TBC1D14: variants seen among roughly 807,000 people sequenced by gnomAD.
TBC1D14 encodes the protein TBC1 domain family, member 14.
In TBC1D14, 26 loss-of-function variants were observed where a neutral mutation model predicts 79.0. The ratio of observed to expected loss-of-function variants is 0.33; its 90% confidence interval spans 0.24 to 0.46. The LOEUF is 0.46. Ranked by LOEUF, TBC1D14 falls within the 20% of genes least tolerant of loss-of-function variation. TBC1D14 has a pLI of 1.00. For missense variants in TBC1D14, 769 were observed against 887.6 expected (o/e 0.87, Z 1.70); for synonymous variants, 394 against 349.9 (o/e 1.13, Z -1.40).
rs115088227 is a variant in TBC1D14 at position 6,970,141 on chromosome 4, G to A, written c.843+2717G>A. 4.2e-3 allele frequency among the ~76,000 whole-genome samples: 634 copies of A among 152,320 alleles called. 4 individuals are homozygous for A. Among genetic ancestry groups the A allele is most frequent in the African/African-American group, 0.014 (577 of 41,568 alleles). ...GGTGACAATAACTCCAGTCAGGGCC[G>A]AAGCCTAGAGAAAGTGTTGAGGAAA... On this transcript the variant is annotated intron_variant, in intron 3 of 13. Transcript: ENST00000409757.
At chr4:7,005,727 G>A (rs551694107) in intron 8 of TBC1D14, among the ~76,000 whole-genome samples, 49 of 151,954 alleles carry the variant, frequency 3.2e-4, no homozygotes, top group Non-Finnish European at 5.2e-4. Flanking sequence ...GAACATCCCA[G>A]TTCCTGCGAG....
intron 1 of TBC1D14, among the ~76,000 whole-genome samples, chr4:6,918,668 G>T (rs201589374): frequency 6.6e-5 from 10 of 152,196 alleles, no homozygotes; most frequent in Admixed American, 2.0e-4. Flanking sequence ...CTGGGCCTGC[G>T]AGAGGCCCTC....
intron 3 of TBC1D14, among the ~76,000 whole-genome samples, chr4:6,969,505 A>T (rs1577099780): frequency 6.6e-6 from 1 of 151,940 alleles, no homozygotes; most frequent in African/African-American, 2.4e-5. Context: ...TCCCGGATTC[A>T]TGTCATTCTC....
chr4:6,953,028 T>TC (rs1407825306), intron 2 of TBC1D14, among the ~76,000 whole-genome samples: 1 of 141,764 alleles, frequency 7.1e-6, no homozygotes. Context: ...TCTTTCTTTT[T>TC]TTTTTTTTTT....
intron 3 of TBC1D14, among the ~76,000 whole-genome samples, chr4:6,991,790 C>T (rs747911183): frequency 6.6e-6 from 1 of 152,132 alleles, no homozygotes; most frequent in Non-Finnish European, 1.5e-5. Flanking sequence ...AGTGTGCACG[C>T]GTAAAGCACT....
chr4:7,009,489 G>T (rs958397214), intron 9 of TBC1D14, among the ~76,000 whole-genome samples: 2 of 152,208 alleles, frequency 1.3e-5, no homozygotes, highest in Admixed American at 6.5e-5. Context: ...CAGGATGTGG[G>T]GCACAGTGGG....
intron 3 of TBC1D14, among the ~76,000 whole-genome samples, chr4:6,985,787 C>T (rs1465501070): frequency 6.6e-6 from 1 of 152,188 alleles, no homozygotes; most frequent in Non-Finnish European, 1.5e-5. Flanking sequence ...CTGCTTTTGC[C>T]TTATTTTCAA....
chr4:6,977,926 G>T (rs1372728959), intron 3 of TBC1D14, among the ~76,000 whole-genome samples: 1 of 147,690 alleles, frequency 6.8e-6, no homozygotes, highest in African/African-American at 2.6e-5. Context: ...GTCTCTGCCC[G>T]GCCGCCCCGT....
Position 7,033,022 on chromosome 4 carries a change from C to G in TBC1D14, c.*2630C>G, listed in dbSNP as rs1351650420. 1.3e-5 allele frequency: 2 copies of G among 152,620 alleles called. No homozygotes were observed. Among genetic ancestry groups the G allele is most frequent in the Admixed American group, 1.3e-4 (2 of 15,276 alleles). The allele number at this position is 152,620 out of a possible 1,614,324, so 9.5% of individuals were successfully genotyped here. On this transcript the variant is annotated 3_prime_UTR_variant, in exon 14 of 14. Transcript: ENST00000409757. ...TGTTTTAATTGCTTGTACAGTTAAC[C>G]TTTAATTTTATTTAGTAAAGTGTAT... is the stretch of plus-strand genomic sequence containing the variant.
intron 2 of TBC1D14, among the ~76,000 whole-genome samples, chr4:6,936,968 A>G (rs1328817235): frequency 6.6e-6 from 1 of 152,082 alleles, no homozygotes; most frequent in Non-Finnish European, 1.5e-5. Flanking sequence ...CCCAGGCAAG[A>G]GTGCAATGGC....
At chr4:6,987,287 C>T (rs1471161795) in intron 3 of TBC1D14, 22 of 1,348,564 alleles carry the variant, frequency 1.6e-5, no homozygotes, top group Non-Finnish European at 2.0e-5. Context: ...GGAGGGAGGC[C>T]GGCCCTCCGC....
intron 2 of TBC1D14, among the ~76,000 whole-genome samples, chr4:6,953,691 C>T (rs1714333846): frequency 6.8e-6 from 1 of 146,202 alleles, no homozygotes; most frequent in Admixed American, 6.8e-5. Context: ...TGTTAGTTAG[C>T]TCTGGGTTTT....
chr4:6,951,854 G>T (rs568227789), intron 2 of TBC1D14, among the ~76,000 whole-genome samples: 8 of 152,174 alleles, frequency 5.3e-5, no homozygotes, highest in Non-Finnish European at 1.0e-4. Context: ...ACTTAATTTT[G>T]TTGTTGTTGT....
chr4:6,923,887 G>T lies in TBC1D14; in HGVS notation c.498G>T (p.Leu166=), dbSNP rs1336009293. 2 of 1,614,164 alleles carry T rather than the reference G, an allele frequency of 1.2e-6. No individual in the cohort carries two copies. Among genetic ancestry groups the T allele is most frequent in the African/African-American group, 2.7e-5 (2 of 75,060 alleles). The change falls in exon 2 of 14, where the codon CTG becomes CTT. Residue 166 remains leucine, a synonymous_variant. Transcript: ENST00000409757. ...GCGTGTCCAGTCTTGGGACAGAGCTGTCCACCACGCTGTCCGTCAGCAATG... is the reference window on the plus strand; with the variant it reads ...GCGTGTCCAGTCTTGGGACAGAGCTTTCCACCACGCTGTCCGTCAGCAATG... ...VCSVSSLGTE[L]STTLSVSNED...
chr4:6,939,579 A>G (rs1712705236), intron 2 of TBC1D14, among the ~76,000 whole-genome samples: 1 of 152,164 alleles, frequency 6.6e-6, no homozygotes, highest in African/African-American at 2.4e-5. Context: ...TGTAGTGGTC[A>G]GCATACCTGC....
At chr4:7,018,028 A>C (rs1188280329) in intron 12 of TBC1D14, among the ~76,000 whole-genome samples, 2 of 152,168 alleles carry the variant, frequency 1.3e-5, no homozygotes, top group Admixed American at 1.3e-4. Context: ...TGTGGTCTTC[A>C]GTGTTCAGGA....
intron 9 of TBC1D14, among the ~76,000 whole-genome samples, chr4:7,007,180 G>A (rs1056738070): frequency 6.6e-6 from 1 of 152,216 alleles, no homozygotes; most frequent in Admixed American, 6.5e-5. Context: ...GCCTGGGTGG[G>A]TGGCCAAGCC....
chr4:6,921,529 A>T lies in TBC1D14; in HGVS notation c.-17-1844A>T, dbSNP rs1723858533. ...GTTAGGCCAGAGAACTTTATTTTTT[A>T]TTTTTTTATTTTTTGAAATGGAGCC... On this transcript the variant is annotated intron_variant, in intron 1 of 13. Coordinates refer to ENST00000409757, the MANE Select transcript of TBC1D14 (RefSeq NM_020773.3). 2.0e-5 allele frequency among the ~76,000 whole-genome samples: 3 copies of T among 150,304 alleles called. No individual in the cohort carries two copies. The South Asian group carries it at 6.4e-4, about 32-fold the overall frequency.
At chr4:7,011,451 G>A (rs1243342856) in intron 11 of TBC1D14, among the ~76,000 whole-genome samples, 1 of 152,164 alleles carries the variant, frequency 6.6e-6, no homozygotes, top group Non-Finnish European at 1.5e-5. Context: ...GGTAAGTGGA[G>A]GAGCTGAGAT....
Sources: allele counts gnomAD v4.1 joint callset (sites outside exome capture counted in the v4.1 genomes callset), GRCh38; gene constraint gnomAD v4.1.1; transcripts MANE v1.5; gene names NCBI Gene and HGNC (gene_info 2026-07-23, HGNC 2026-07-21).